The following RCC1L variants were observed in gnomAD, a reference collection of about 807,000 sequenced individuals.
RCC1L encodes RCC1 like.
In RCC1L, 46 loss-of-function variants were observed where a neutral mutation model predicts 58.6. The ratio of observed to expected loss-of-function variants is 0.79; its 90% CI spans 0.62 to 1.00. The LOEUF is 1.00. RCC1L is among the 50% of genes least tolerant of loss of function. RCC1L has a pLI of 0.00. For synonymous variants in RCC1L, 281 were observed against 262.9 expected (o/e 1.07, Z -0.67); for missense variants, 636 against 623.6 (o/e 1.02, Z -0.21).
chr7:75,030,627 G>A (rs2131965516), intron 10 of RCC1L, among the ~76,000 whole-genome samples: 1 of 152,226 alleles, frequency 6.6e-6, no homozygotes, highest in East Asian at 1.9e-4. Context: ...TCCCCAGGTG[G>A]GCCAACCCAC....
chr7:75,027,918 G>T, exon 11 of RCC1L: 2 of 1,171,996 alleles, frequency 1.7e-6, no homozygotes, highest in Non-Finnish European at 2.4e-6. Flanking sequence ...TGCTGGGTGG[G>T]AGGGTCTCTC....
intron 10 of RCC1L, among the ~76,000 whole-genome samples, chr7:75,045,794 G>GT (rs1805702712): frequency 6.6e-6 from 1 of 152,182 alleles, no homozygotes; most frequent in Non-Finnish European, 1.5e-5. Flanking sequence ...GATTACAGGC[G>GT]TGAGCCGCTG....
At chr7:75,040,768 T>C (rs1280805295), downstream of RCC1L, among the ~76,000 whole-genome samples, 1 of 152,172 alleles carries the variant, frequency 6.6e-6, no homozygotes, top group Non-Finnish European at 1.5e-5. Context: ...TTTCAATTTC[T>C]ATTTCAAGTT....
At chr7:75,048,961 C>T (rs1429561910) in intron 10 of RCC1L, among the ~76,000 whole-genome samples, 4 of 152,046 alleles carry the variant, frequency 2.6e-5, no homozygotes, top group East Asian at 1.9e-4. Flanking sequence ...TGAGTCTCAA[C>T]GTGTAGCAAA....
At chr7:75,038,909 A>T (rs1215335070), downstream of RCC1L, among the ~76,000 whole-genome samples, 1 of 152,184 alleles carries the variant, frequency 6.6e-6, no homozygotes, top group Non-Finnish European at 1.5e-5. Flanking sequence ...CCTCTCCCCA[A>T]GGTCAAAGAG....
chr7:75,054,637 C>T (rs1220289866), intron 9 of RCC1L, among the ~76,000 whole-genome samples: 1 of 152,128 alleles, frequency 6.6e-6, no homozygotes, highest in Non-Finnish European at 1.5e-5. Flanking sequence ...ACTGAATTAG[C>T]CGGGCGTGGT....
chr7:75,052,754 C>T lies in RCC1L; in HGVS notation c.1274G>A (p.Cys425Tyr). 1 of 1,613,462 alleles carries T rather than the reference C, an allele frequency of 6.2e-7. No homozygotes were observed. The highest frequency in any genetic ancestry group is 8.5e-7 in the Non-Finnish European group (1 of 1,179,764). ...GTCCTCCAGGCGACCGATTCCCAGG[C>T]ACCCTCGGATGTTCTTGCCCCATAC... ...LFVWGKNIRG[C>Y]LGIGRLEDQY... is the part of the protein sequence containing the mutation. Residue 425 changes from cysteine to tyrosine, a missense_variant, in exon 10 of 11, where the codon TGC becomes TAC. Physicochemically the swap from Cys to Tyr is radical, Grantham distance 194. Coordinates refer to ENST00000610322, the MANE Select transcript of RCC1L (RefSeq NM_030798.5).
intron 1 of RCC1L, among the ~76,000 whole-genome samples, chr7:75,071,301 T>C (rs587691946): frequency 6.6e-6 from 1 of 152,328 alleles, no homozygotes; most frequent in South Asian, 2.1e-4. Flanking sequence ...TTATGGTCTA[T>C]GTCAGCTTAC....
rs1205733899 is a variant in RCC1L, at chr7:75,056,016, C to T, written c.1116G>A (p.Val372=). 5 of 1,613,830 alleles carry T rather than the reference C, an allele frequency of 3.1e-6. No homozygotes were observed. The highest frequency in any genetic ancestry group is 1.3e-5 in the African/African-American group (1 of 74,914). The change falls in exon 9 of 11, where the codon GTG becomes GTA. Residue 372 remains valine, a synonymous_variant. Transcript: ENST00000610322. ...GAATCATTTCAGGGACGGCACTTTC[C>T]ACTAGGTTTGGACCTTTCCCAAGAA... The part of the protein sequence containing the change: ...YGILGKGPNL[V]ESAVPEMIPP...
At chr7:75,029,497 C>T (rs1411132110) in intron 10 of RCC1L, among the ~76,000 whole-genome samples, 1 of 151,990 alleles carries the variant, frequency 6.6e-6, no homozygotes, top group Non-Finnish European at 1.5e-5. Context: ...GCACCCACCA[C>T]CACGCTCGGC....
rs201728682 is a variant in RCC1L, at chr7:75,073,695, G to A, written c.43C>T (p.Arg15Trp). The change falls in exon 1 of 11, where the codon CGG becomes TGG. Residue 15 changes from arginine (R) to tryptophan (W), a missense_variant. By Grantham distance (101) the Arg-to-Trp change is moderately radical (BLOSUM62 -3). Coordinates refer to ENST00000610322, the MANE Select transcript of RCC1L (RefSeq NM_030798.5). The stretch of plus-strand genomic sequence containing the variant: ...CGCCCCAGCCCCGGCCCGCTCAGCC[G>A]CCGCCCCAGCCGAGCCCCAGCCACC... ...ALVAGARLGRRLSGPGLGRGH... is the reference protein window; with the variant it reads ...ALVAGARLGRWLSGPGLGRGH... 0.014 allele frequency: 21,033 copies of A among 1,506,886 alleles called. 195 individuals are homozygous for A. Among genetic ancestry groups the A allele is most frequent in the Non-Finnish European group, 0.017 (19,026 of 1,134,670 alleles). 93.3% of individuals were successfully genotyped at this position (1,506,886 alleles called of 1,614,324 possible).
In RCC1L at chr7:75,073,644, A is replaced by G. The variant is rs1554446538; in HGVS notation, c.94T>C (p.Ser32Pro). 3.7e-5 allele frequency: 54 copies of G among 1,477,526 alleles called. No homozygotes were observed. The highest frequency in any genetic ancestry group is 4.6e-5 in the Non-Finnish European group (52 of 1,122,258). The allele number at this position is 1,477,526 out of a possible 1,614,324, so 91.5% of individuals were successfully genotyped here. A position where few individuals can be genotyped will look rare whatever the true frequency, so the allele number is the denominator to read the frequency against. The change falls in exon 1 of 11, where the codon TCC (serine) becomes CCC (proline). Residue 32 changes from serine to proline, a missense_variant. By Grantham distance (74) the Ser-to-Pro change is moderately conservative (BLOSUM62 -1). Transcript: ENST00000610322. The stretch of plus-strand genomic sequence containing the variant: ...TCTGCCGCTTCGCGCCGGCTCCGGG[A>G]GCGCCCGGCCGCCGTCCAGTGCCCT... ...GRGHWTAAGRSRSRREAAEAE... is the reference protein window; with the variant it reads ...GRGHWTAAGRPRSRREAAEAE...
chr7:75,035,053 T>C (rs2131969420), intron 10 of RCC1L, among the ~76,000 whole-genome samples: 1 of 152,088 alleles, frequency 6.6e-6, no homozygotes, highest in East Asian at 1.9e-4. Context: ...TATTTAGAGA[T>C]GGAGTCTCGC....
intron 5 of RCC1L, among the ~76,000 whole-genome samples, chr7:75,061,826 G>T (rs1290265262): frequency 6.6e-6 from 1 of 152,134 alleles, no homozygotes; most frequent in Non-Finnish European, 1.5e-5. Flanking sequence ...CTAAAGAAAA[G>T]CACCATCTAT....
chr7:75,041,182 C>T (rs1364076441), downstream of RCC1L, among the ~76,000 whole-genome samples: 1 of 151,900 alleles, frequency 6.6e-6, no homozygotes, highest in East Asian at 1.9e-4. Context: ...CCACTGCACT[C>T]CAGCCTGGGC....
chr7:75,073,485 C>G lies in RCC1L; in HGVS notation c.253G>C (p.Gly85Arg). ...PSFVVPSSGP[G>R]PRAGARPRRR... ...CGCGGTCGGGCGCCGGCGCGGGGCC[C>G]GGGCCCGGAGCTGGGCACCACAAAG... The change falls in exon 1 of 11, where the codon GGG becomes CGG. Residue 85 changes from glycine to arginine, a missense_variant. Gly to Arg is a moderately radical substitution (Grantham distance 125). Transcript: ENST00000610322. 7.2e-7 allele frequency: 1 copy of G among 1,386,922 alleles called. No individual in the cohort carries two copies. Among genetic ancestry groups the G allele is most frequent in the South Asian group, 1.6e-5 (1 of 61,840 alleles). 85.9% of individuals were successfully genotyped at this position (1,386,922 alleles called of 1,614,324 possible).
At chr7:75,073,391 A>C in intron 1 of RCC1L, 23 bp downstream of exon 1, 1 of 1,044,194 alleles carries the variant, frequency 9.6e-7, no homozygotes, top group Non-Finnish European at 1.3e-6. Flanking sequence ...AGAAGGAGAG[A>C]AGGAGGAAGC....
In RCC1L at chr7:75,052,763, A is replaced by G. The variant is rs782720286; in HGVS notation, c.1265T>C (p.Ile422Thr). The G allele has an allele frequency of 5.5e-5, 89 of 1,613,246 alleles. No individual in the cohort carries two copies. Among genetic ancestry groups the G allele is most frequent in the Non-Finnish European group, 3.6e-5 (42 of 1,179,758 alleles). The change falls in exon 10 of 11, where the codon ATC becomes ACC. Residue 422 changes from isoleucine (I) to threonine (T), a missense_variant. Ile to Thr is a moderately conservative substitution (Grantham distance 89, BLOSUM62 -1). Transcript: ENST00000610322. ...GCGACCGATTCCCAGGCACCCTCGG[A>G]TGTTCTTGCCCCATACAAACAGCTC... ...KGELFVWGKN[I>T]RGCLGIGRLE...
downstream of RCC1L, among the ~76,000 whole-genome samples, chr7:75,039,446 T>C (rs1307651679): frequency 6.6e-6 from 1 of 152,238 alleles, no homozygotes; most frequent in Non-Finnish European, 1.5e-5. Context: ...AAACAAGTCA[T>C]GACAGCATCC....
Sources: allele counts gnomAD v4.1 joint callset (sites outside exome capture counted in the v4.1 genomes callset), GRCh38; gene constraint gnomAD v4.1.1; transcripts MANE v1.5; gene names NCBI Gene and HGNC (gene_info 2026-07-23, HGNC 2026-07-21).